The following UNC13D variants were observed in gnomAD, a reference collection of about 807,000 sequenced individuals.
The protein encoded by UNC13D is protein unc-13 homolog D.
A neutral mutation model predicts 151.7 loss-of-function variants in UNC13D; 115 were observed. The observed-to-expected ratio is 0.76, with a 90% CI of 0.65 to 0.88. UNC13D has a LOEUF of 0.88. Ranked by LOEUF, UNC13D falls within the 40% of genes least tolerant of loss-of-function variation. The pLI is 0.00. For synonymous variants in UNC13D, 588 were observed against 612.2 expected (o/e 0.96, Z 0.58); for missense variants, 1,369 against 1,438.7 (o/e 0.95, Z 0.78).
At chr17:75,842,651 C>T (rs377611441) in intron 5 of UNC13D, 38 bp from the exon 6 acceptor site, 15 of 1,608,882 alleles carry the variant, frequency 9.3e-6, no homozygotes, top group South Asian at 8.8e-5. Context: ...GCCAGGGAGT[C>T]GGCTGGGTCC....
At position 75,840,764 on chromosome 17, in the gene UNC13D, G is replaced by A. The variant is rs779543680; in HGVS notation, c.681C>T (p.Arg227=). 7 of 1,613,830 alleles carry A rather than the reference G, an allele frequency of 4.3e-6. No individual in the cohort carries two copies. In the Admixed American group the frequency reaches 8.3e-5, roughly 19 times the overall value. Residue 227 remains arginine, a splice_region_variant and synonymous_variant, in exon 8 of 32, where the codon CGC becomes CGT. Coordinates refer to ENST00000207549, the MANE Select transcript of UNC13D (RefSeq NM_199242.3). The surrounding 1 kb of genome is among the most constrained non-coding windows in gnomAD (Gnocchi z 4.6). The part of the protein sequence containing the change: ...LGELTDLHGL[R]RIFKEARKDK... ...CCTGTGAGCCCTGCAACACGAACCT[G>A]CGAAGCCCATGCAGATCCGTGAGCT...
At chr17:75,838,568 C>G (rs1243877249) in intron 12 of UNC13D, among the ~76,000 whole-genome samples, 2 of 152,144 alleles carry the variant, frequency 1.3e-5, no homozygotes, top group African/African-American at 4.8e-5. Flanking sequence ...TGGCTGTGAC[C>G]CCCTGTGCCC....
At chr17:75,829,515 G>A (rs1040729343) in intron 30 of UNC13D, 3 of 181,250 alleles carry the variant, frequency 1.7e-5, no homozygotes, top group Admixed American at 5.5e-5. Context: ...GGATGGTCTT[G>A]ATCTCCTGAC....
In UNC13D at chr17:75,843,284, A is replaced by G. The variant is rs781715576; in HGVS notation, c.154-18T>C. 1 of 1,602,296 alleles carries G rather than the reference A, an allele frequency of 6.2e-7. No homozygotes were observed. The highest frequency in any genetic ancestry group is 1.7e-5 in the Admixed American group (1 of 59,914). ...AGGGCCCGCTAAGACACACGGGGTC[A>G]CCTTGGGGACCCCACCAGCCACCCC... On this transcript the variant is annotated intron_variant, in intron 2 of 31. Transcript: ENST00000207549.
At chr17:75,830,246 G>A in intron 29 of UNC13D, 95 bp from the exon 30 acceptor site, 2 of 1,553,950 alleles carry the variant, frequency 1.3e-6, no homozygotes, top group African/African-American at 1.4e-5. Context: ...ACCCCTCCTG[G>A]TAACTGGAGG....
chr17:75,844,100 G>A (rs2064968998), intron 1 of UNC13D, 121 bp downstream of exon 1: 7 of 1,515,360 alleles, frequency 4.6e-6, no homozygotes, highest in Non-Finnish European at 6.3e-6. Flanking sequence ...GGAGTAGGCA[G>A]GGGAGGGTCG....
In UNC13D at chr17:75,831,089, A is replaced by T. The variant is rs1334046798; in HGVS notation, c.2625+9T>A. The T allele has an allele frequency of 6.2e-7, 1 of 1,613,678 alleles. No homozygotes were observed. Among genetic ancestry groups the T allele is most frequent in the Admixed American group, 1.7e-5 (1 of 60,000 alleles). Reference sequence around the variant, plus strand: ...ACTTCCTACGGGGAAGCTCACCCAAAGCCCCTACCTGGAAGGTGGCAGTGT... The same window carrying T: ...ACTTCCTACGGGGAAGCTCACCCAATGCCCCTACCTGGAAGGTGGCAGTGT... On this transcript the variant is annotated intron_variant, in intron 27 of 31. Coordinates refer to ENST00000207549, the MANE Select transcript of UNC13D (RefSeq NM_199242.3).
At chr17:75,830,713 C>T in intron 27 of UNC13D, 52 bp from the exon 28 acceptor site, 1 of 1,540,522 alleles carries the variant, frequency 6.5e-7, no homozygotes, top group Non-Finnish European at 8.8e-7. Flanking sequence ...CCAACCACAG[C>T]CCAGGCCTGC....
intron 2 of UNC13D, 64 bp downstream of exon 2, chr17:75,843,420 G>A (rs542394574): frequency 3.2e-5 from 50 of 1,579,052 alleles, no homozygotes; most frequent in South Asian, 1.6e-4. Context: ...CATCAGCGTC[G>A]GCCGGCAGGA....
Position 75,835,053 on chromosome 17 carries a change from A to C in UNC13D, c.1859T>G (p.Leu620Arg). 2 of 1,613,910 alleles carry C rather than the reference A, an allele frequency of 1.2e-6. No homozygotes were observed. Among genetic ancestry groups the C allele is most frequent in the Non-Finnish European group, 1.7e-6 (2 of 1,180,010 alleles). ...RAVQMDELVP[L>R]GELTKHSTSA... ...TGTGCTGTGCTTGGTCAGTTCACCCAGGGGCACCAGCTGGGGGAAGAAAGG... is the reference window on the plus strand; with the variant it reads ...TGTGCTGTGCTTGGTCAGTTCACCCCGGGGCACCAGCTGGGGGAAGAAAGG... The change falls in exon 21 of 32, where the codon CTG (leucine) becomes CGG (arginine). Residue 620 changes from leucine (L) to arginine (R), a missense_variant. Physicochemically the swap from Leu to Arg is moderately radical, Grantham distance 102 (BLOSUM62 -2). This residue lies in a region of UNC13D where 807 missense variants were observed against 795.5 expected (regional missense o/e 1.01). Coordinates refer to ENST00000207549, the MANE Select transcript of UNC13D (RefSeq NM_199242.3).
chr17:75,828,006 C>T lies in UNC13D; in HGVS notation c.3232G>A (p.Ala1078Thr), dbSNP rs761698730. The change falls in exon 32 of 32, where the codon GCC (alanine) becomes ACC (threonine). Residue 1078 changes from alanine to threonine, a missense_variant. Around this residue, in one of 3 missense-constraint regions of UNC13D, gnomAD observed 807 missense variants for 795.5 expected, o/e 1.01. Transcript: ENST00000207549. ...AAGGCATGCTGGGAGGCCTGCTTGG[C>T]CCGGTGCCGCCGCAGCCTCACAAAG... ...QVFVRLRRHR[A>T]KQASQHALRP... 6.3e-7 allele frequency: 1 copy of T among 1,596,962 alleles called. No homozygotes were observed.
At chr17:75,835,293 C>A in intron 20 of UNC13D, 116 bp downstream of exon 20, 1 of 1,432,026 alleles carries the variant, frequency 7.0e-7, no homozygotes, top group Admixed American at 2.0e-5. Flanking sequence ...TCAAGTGCAC[C>A]CAAAAGGGAT....
chr17:75,831,459 C>T, intron 25 of UNC13D, 111 bp from the exon 26 acceptor site: 1 of 970,668 alleles, frequency 1.0e-6, no homozygotes, highest in Non-Finnish European at 1.5e-6. Context: ...CCCACCCCAG[C>T]TCCTCCCACC....
intron 25 of UNC13D, chr17:75,831,863 A>C (rs2064874692): frequency 5.8e-6 from 1 of 172,380 alleles, no homozygotes; most frequent in Non-Finnish European, 1.3e-5. Context: ...TGGGAGGCTG[A>C]GGCAGGAGAA....
At position 75,835,488 on chromosome 17, in the gene UNC13D, T is replaced by C; in HGVS notation, c.1769A>G (p.Gln590Arg). The C allele has an allele frequency of 6.2e-7, 1 of 1,611,540 alleles. No homozygotes were observed. Among genetic ancestry groups the C allele is most frequent in the South Asian group, 1.1e-5 (1 of 90,840 alleles). ...CTGCAGCCAGGAGGGGATGGCCGGC[T>C]GGAACCAGCGGTGGAAATTATCCAG... is the stretch of plus-strand genomic sequence containing the variant. The part of the protein sequence containing the change: ...LALDNFHRWF[Q>R]PAIPSWLQKT... The change falls in exon 20 of 32, where the codon CAG (glutamine) becomes CGG (arginine). Residue 590 changes from glutamine to arginine, a missense_variant. Physicochemically the swap from Gln to Arg is conservative, Grantham distance 43. This residue lies in a region of UNC13D where 807 missense variants were observed against 795.5 expected (regional missense o/e 1.01). Transcript: ENST00000207549.
intron 12 of UNC13D, 111 bp downstream of exon 12, chr17:75,839,728 G>T: frequency 8.4e-7 from 1 of 1,184,050 alleles, no homozygotes; most frequent in Non-Finnish European, 1.2e-6. Context: ...CACACATTTT[G>T]GGCCAAAGGG....
rs779565045 is a variant in UNC13D, at chr17:75,836,028, C to T, written c.1528G>A (p.Asp510Asn). ...TCTGCTCACTTGTGGAAGATCTTGT[C>T]CCATGTGCGCTGGCACTGGTGCAGG... ...GDLHQCQRTW[D>N]KIFHNTLKIH... is the part of the protein sequence containing the mutation. Residue 510 changes from aspartate (D) to asparagine (N), a missense_variant, in exon 17 of 32, where the codon GAC becomes AAC. Around this residue, in one of 3 missense-constraint regions of UNC13D, gnomAD observed 807 missense variants for 795.5 expected, o/e 1.01. Transcript: ENST00000207549. The T allele has an allele frequency of 6.2e-7, 1 of 1,614,066 alleles. No individual in the cohort carries two copies. Among genetic ancestry groups the T allele is most frequent in the South Asian group, 1.1e-5 (1 of 91,090 alleles).
Position 75,835,653 on chromosome 17 carries a change from G to A in UNC13D, c.1721C>T (p.Ser574Leu), listed in dbSNP as rs981574088. The A allele has an allele frequency of 4.3e-6, 7 of 1,613,172 alleles. No homozygotes were observed. The Admixed American group carries it at 6.7e-5, about 15-fold the overall frequency. ...CAATTGGCCTGCTGCCCACCTCTCT[G>A]AGGAGCTCATGCGCAGCTGGCAGAG... ...KELCQLRMSS[S>L]ERDGVLALDN... Residue 574 changes from serine (S) to leucine (L), a missense_variant, in exon 19 of 32, where the codon TCA (serine) becomes TTA (leucine). Ser to Leu is a moderately radical substitution (Grantham distance 145, BLOSUM62 -2). This residue lies in a region of UNC13D where 807 missense variants were observed against 795.5 expected (regional missense o/e 1.01). Coordinates refer to ENST00000207549, the MANE Select transcript of UNC13D (RefSeq NM_199242.3).
Position 75,827,661 on chromosome 17 carries a change from G to C in UNC13D, c.*304C>G. ...CAGGAGACAGATGGCCCAATCCCCT[G>C]CCCACCACAGCAGCTTTTCTGAGAG... On this transcript the variant is annotated 3_prime_UTR_variant, in exon 32 of 32. Transcript: ENST00000207549. 1 of 1,532,880 alleles carries C rather than the reference G, an allele frequency of 6.5e-7. No homozygotes were observed. The highest frequency in any genetic ancestry group is 8.7e-7 in the Non-Finnish European group (1 of 1,144,828). 95.0% of individuals were successfully genotyped at this position (1,532,880 alleles called of 1,614,324 possible).
Sources: allele counts gnomAD v4.1 joint callset (sites outside exome capture counted in the v4.1 genomes callset), GRCh38; gene constraint gnomAD v4.1.1; regional missense constraint gnomAD v4.1.1; non-coding constraint Gnocchi (gnomAD v3.1); transcripts MANE v1.5; gene names NCBI Gene and HGNC (gene_info 2026-07-23, HGNC 2026-07-21).